Variants in INO80 observed in about 807,000 individuals in gnomAD.
INO80 encodes the protein INO80 complex ATPase subunit, also known as chromatin-remodeling ATPase INO80.
Under a neutral mutation model 203.4 loss-of-function variants are expected in INO80, and 20 were observed. The ratio of observed to expected loss-of-function variants is 0.10; its 90% CI spans 0.07 to 0.14. The LOEUF (loss-of-function observed/expected upper bound fraction) is 0.14. Among genes scored for constraint, INO80 ranks in the 10% least tolerant of loss-of-function variants. INO80 has a pLI of 1.00. For missense variants in INO80, 1,419 were observed against 1,914.4 expected (o/e 0.74, Z 4.83); for synonymous variants, 726 against 685.2 (o/e 1.06, Z -0.93).
At chr15:40,982,112 T>A (rs188701998) in intron 35 of INO80, among the ~76,000 whole-genome samples, 1 of 152,350 alleles carries the variant, frequency 6.6e-6, no homozygotes, top group East Asian at 1.9e-4. Flanking sequence ...ATTGCTATTA[T>A]ACACTCAGGA....
At chr15:41,084,485 G>A (rs763749842) in intron 7 of INO80, among the ~76,000 whole-genome samples, 4 of 152,102 alleles carry the variant, frequency 2.6e-5, no homozygotes, top group Non-Finnish European at 5.9e-5. Flanking sequence ...TTTGAACCTG[G>A]GAAGCGGAGG....
Position 41,071,852 on chromosome 15 carries a change from T to C in INO80, c.1602A>G (p.Glu534=). 6.2e-7 allele frequency: 1 copy of C among 1,609,954 alleles called. No homozygotes were observed. Among genetic ancestry groups the C allele is most frequent in the Non-Finnish European group, 8.5e-7 (1 of 1,176,386 alleles). The stretch of plus-strand genomic sequence containing the variant: ...ATGACACGGTTCTAAAATTCACCTG[T>C]TCATATAGATTGGCCAACCAATTCA... ...KGMNWLANLY[E]QGINGILADE... is the part of the protein sequence containing the mutation. The change falls in exon 12 of 36, where the codon GAA becomes GAG. Residue 534 remains glutamate (E), a synonymous_variant. Transcript: ENST00000648947.
intron 24 of INO80, among the ~76,000 whole-genome samples, chr15:41,034,159 G>A (rs962617877): frequency 6.6e-6 from 1 of 152,204 alleles, no homozygotes; most frequent in Non-Finnish European, 1.5e-5. Flanking sequence ...TGATGTTTAT[G>A]TGTATCATCC....
chr15:40,980,125 G>A lies in INO80; in HGVS notation c.*98C>T. 1.1e-6 allele frequency: 1 copy of A among 942,100 alleles called. No homozygotes were observed. Among genetic ancestry groups the A allele is most frequent in the Non-Finnish European group, 1.7e-6 (1 of 590,912 alleles). 58.4% of individuals were successfully genotyped at this position (942,100 alleles called of 1,614,324 possible). Reference sequence around the variant, plus strand: ...GCTGGACATTTCCACTTCTGACTCAGGATGCAAGATGCTGCACGGGGCAAG... The same window carrying A: ...GCTGGACATTTCCACTTCTGACTCAAGATGCAAGATGCTGCACGGGGCAAG... On this transcript the variant is annotated 3_prime_UTR_variant, in exon 36 of 36. Coordinates refer to ENST00000648947, the MANE Select transcript of INO80 (RefSeq NM_017553.3).
Position 41,005,693 on chromosome 15 carries a change from A to G in INO80, c.3403-6T>C. The G allele has an allele frequency of 6.7e-7, 1 of 1,496,082 alleles. No individual in the cohort carries two copies. The highest frequency in any genetic ancestry group is 9.3e-7 in the Non-Finnish European group (1 of 1,074,244). The allele number at this position is 1,496,082 out of a possible 1,614,324, so 92.7% of individuals were successfully genotyped here. ...TTCCTGTAAACCATGTATTCCTGCC[A>G]ACCAGGATAAAAGGACACAGTAAAT... On this transcript the variant is annotated splice_polypyrimidine_tract_variant and splice_region_variant and intron_variant, in intron 27 of 35. Coordinates refer to ENST00000648947, the MANE Select transcript of INO80 (RefSeq NM_017553.3).
intron 5 of INO80, among the ~76,000 whole-genome samples, chr15:41,090,998 C>T (rs538903): frequency 0.11 from 17,083 of 149,646 alleles, 3,071 homozygotes; most frequent in African/African-American, 0.38. Context: ...AATCTCGGCT[C>T]ACTGCAACCT....
intron 29 of INO80, among the ~76,000 whole-genome samples, chr15:40,989,259 T>C (rs2043784752): frequency 6.6e-6 from 1 of 152,232 alleles, no homozygotes; most frequent in African/African-American, 2.4e-5. Context: ...AGTCATTTAC[T>C]AGCCCATGAA....
intron 28 of INO80, chr15:41,004,623 A>G (rs1243313860): frequency 6.6e-6 from 1 of 152,170 alleles, no homozygotes; most frequent in Non-Finnish European, 1.5e-5. Context: ...ACCAGACTCT[A>G]CCTATTACAA....
At chr15:41,064,767 T>TA (rs1441849055) in intron 14 of INO80, among the ~76,000 whole-genome samples, 5 of 151,822 alleles carry the variant, frequency 3.3e-5, no homozygotes, top group Non-Finnish European at 5.9e-5. Context: ...GAAGCCAAGG[T>TA]AGAAGGATCG....
intron 23 of INO80, among the ~76,000 whole-genome samples, 166 bp from the exon 24 acceptor site, chr15:41,045,241 T>G (rs1004723857): frequency 6.6e-6 from 1 of 152,182 alleles, no homozygotes; most frequent in African/African-American, 2.4e-5. Flanking sequence ...TTATTTCGCA[T>G]TACATGGTTT....
chr15:41,008,759 C>G (rs548157415), intron 27 of INO80, among the ~76,000 whole-genome samples: 2 of 152,336 alleles, frequency 1.3e-5, no homozygotes, highest in Non-Finnish European at 2.9e-5. Context: ...ATGGGCAGCA[C>G]TTGTACCACC....
intron 27 of INO80, among the ~76,000 whole-genome samples, chr15:41,009,959 C>A (rs1388931296): frequency 6.6e-6 from 1 of 152,080 alleles, no homozygotes; most frequent in Non-Finnish European, 1.5e-5. Context: ...TACACGGAAC[C>A]CCTCTAATAT....
chr15:40,998,303 G>T (rs1231428210), intron 28 of INO80, among the ~76,000 whole-genome samples: 1 of 151,900 alleles, frequency 6.6e-6, no homozygotes. Context: ...TTATAGACGC[G>T]AGCCACCGTG....
intron 24 of INO80, among the ~76,000 whole-genome samples, chr15:41,031,968 C>CACAGCACAGCACAGCACAGA (rs1566919540): frequency 1.4e-5 from 1 of 69,688 alleles, no homozygotes; most frequent in Non-Finnish European, 3.1e-5. Context: ...CACAGGACAG[C>CACAGCACAGCACAGCACAGA]ACAGCACAGC....
chr15:40,986,095 T>C (rs1173357202), intron 31 of INO80, among the ~76,000 whole-genome samples: 3 of 152,122 alleles, frequency 2.0e-5, no homozygotes, highest in Non-Finnish European at 4.4e-5. Flanking sequence ...ACAGGATGAA[T>C]CTGAAACCCA....
chr15:41,035,521 A>G (rs1364246963), intron 24 of INO80, among the ~76,000 whole-genome samples: 2 of 150,716 alleles, frequency 1.3e-5, no homozygotes, highest in African/African-American at 4.9e-5. Context: ...GCAAGACTAC[A>G]TCTCTAAAAA....
rs1433721973 is a variant in INO80 at position 41,063,891 on chromosome 15, AAT to A, written c.1783-3967_1783-3966del. ...ATTCAGAAAAAAATTAAAGAAAAAC[AAT>A]ATATATCAGAAAATACAGACTTTTA... On this transcript the variant is annotated intron_variant, in intron 14 of 35. Coordinates refer to ENST00000648947, the MANE Select transcript of INO80 (RefSeq NM_017553.3). 5.3e-5 allele frequency among the ~76,000 whole-genome samples: 8 copies of A among 152,318 alleles called. No individual in the cohort carries two copies. In the South Asian group the frequency reaches 1.7e-3, roughly 32 times the overall value.
chr15:41,033,132 G>C (rs1170576098), intron 24 of INO80, among the ~76,000 whole-genome samples: 1 of 152,230 alleles, frequency 6.6e-6, no homozygotes, highest in African/African-American at 2.4e-5. Flanking sequence ...ACAGACAGGA[G>C]ACAGAATCAA....
At chr15:41,036,651 T>G (rs866573986) in intron 24 of INO80, among the ~76,000 whole-genome samples, 15 of 152,328 alleles carry the variant, frequency 9.8e-5, no homozygotes, top group African/African-American at 3.4e-4. Context: ...AATATTGTTA[T>G]TAATATTAAT....
Sources: gnomAD v4.1 joint callset for allele counts (sites outside exome capture counted in the v4.1 genomes callset) on GRCh38, gnomAD v4.1.1 for gene constraint, MANE v1.5 for transcripts, NCBI Gene and HGNC (gene_info 2026-07-23, HGNC 2026-07-21) for gene names.